Variants in PPM1E observed in about 807,000 individuals in gnomAD.
PPM1E encodes the protein protein phosphatase, Mg2+/Mn2+ dependent 1E.
In PPM1E, 20 loss-of-function variants were observed where a neutral mutation model predicts 65.9. The ratio of observed to expected loss-of-function variants is 0.30; its 90% CI spans 0.21 to 0.44. The LOEUF (loss-of-function observed/expected upper bound fraction) is 0.44. Among genes scored for constraint, PPM1E ranks in the 20% least tolerant of loss-of-function variants. The probability of loss-of-function intolerance (pLI) is 1.00; values close to 1 mark genes in which losing one functional copy is unlikely to be tolerated. For missense variants in PPM1E, 713 were observed against 953.1 expected (o/e 0.75, Z 3.32); for synonymous variants, 352 against 374.9 (o/e 0.94, Z 0.70).
chr17:58,827,916 AT>A (rs986401428), intron 1 of PPM1E, among the ~76,000 whole-genome samples: 41 of 146,034 alleles, frequency 2.8e-4, no homozygotes, highest in Non-Finnish European at 4.1e-4. Flanking sequence ...AAAAAAAATA[AT>A]AATAATAATA....
At chr17:58,867,687 A>G (rs1410044424) in intron 1 of PPM1E, among the ~76,000 whole-genome samples, 3 of 152,338 alleles carry the variant, frequency 2.0e-5, no homozygotes, top group African/African-American at 7.2e-5. Flanking sequence ...AGTATCCTCT[A>G]TGGCAATATA....
chr17:58,947,075 A>AT (rs2052161721), intron 1 of PPM1E, among the ~76,000 whole-genome samples: 1 of 126,654 alleles, frequency 7.9e-6, no homozygotes, highest in South Asian at 2.5e-4. Context: ...CCATTTGACC[A>AT]TTTTGTTAAA....
At chr17:58,935,067 A>G (rs2051960478) in intron 1 of PPM1E, among the ~76,000 whole-genome samples, 1 of 151,964 alleles carries the variant, frequency 6.6e-6, no homozygotes, top group Admixed American at 6.6e-5. Flanking sequence ...CCTGGCCAAC[A>G]CAGTGAAACC....
At chr17:58,971,994 G>C (rs1007300406) in intron 4 of PPM1E, 138 bp from the exon 5 acceptor site, 1 of 802,950 alleles carries the variant, frequency 1.2e-6, no homozygotes, top group Non-Finnish European at 1.9e-6. Context: ...TTGAGACAAT[G>C]AATTATTATA....
intron 1 of PPM1E, among the ~76,000 whole-genome samples, chr17:58,777,694 G>A (rs1408642557): frequency 3.9e-5 from 6 of 152,030 alleles, no homozygotes; most frequent in Non-Finnish European, 8.8e-5. Flanking sequence ...ATAATATCCT[G>A]TTTCTCAAAT....
chr17:58,856,788 T>A (rs2050887354), intron 1 of PPM1E, among the ~76,000 whole-genome samples: 1 of 152,194 alleles, frequency 6.6e-6, no homozygotes, highest in Non-Finnish European at 1.5e-5. Flanking sequence ...GACATCTAGA[T>A]CTGGAATTTC....
intron 1 of PPM1E, among the ~76,000 whole-genome samples, chr17:58,769,283 G>GT (rs1014550018): frequency 1.4e-4 from 21 of 151,630 alleles, no homozygotes; most frequent in Admixed American, 5.9e-4. Context: ...AAGAAATCCT[G>GT]TTTTTTTTGG....
At chr17:58,935,605 CAAGA>C (rs1399562863) in intron 1 of PPM1E, among the ~76,000 whole-genome samples, 2 of 152,130 alleles carry the variant, frequency 1.3e-5, no homozygotes, top group African/African-American at 4.8e-5. Flanking sequence ...GAAAGGATGA[CAAGA>C]AAGATAGTTA....
At chr17:58,890,928 G>A (rs2051336955) in intron 1 of PPM1E, among the ~76,000 whole-genome samples, 1 of 151,992 alleles carries the variant, frequency 6.6e-6, no homozygotes, top group Admixed American at 6.5e-5. Context: ...TGTATTCTTA[G>A]TACTTAACAC....
intron 1 of PPM1E, among the ~76,000 whole-genome samples, chr17:58,872,260 G>C (rs1275856146): frequency 6.6e-6 from 1 of 152,194 alleles, no homozygotes; most frequent in Non-Finnish European, 1.5e-5. Context: ...TTGCACCACT[G>C]CACTCCAGCC....
chr17:58,823,043 C>T (rs1408154409), intron 1 of PPM1E, among the ~76,000 whole-genome samples: 1 of 151,978 alleles, frequency 6.6e-6, no homozygotes, highest in Non-Finnish European at 1.5e-5. Context: ...TGGGGCAAGC[C>T]CTTCTGAGCA....
At chr17:58,815,988 T>A (rs1027011734) in intron 1 of PPM1E, among the ~76,000 whole-genome samples, 1 of 152,138 alleles carries the variant, frequency 6.6e-6, no homozygotes, top group African/African-American at 2.4e-5. Context: ...CAATAAAAAA[T>A]TTTAATCATA....
At chr17:58,826,504 T>TA (rs1555612387) in intron 1 of PPM1E, among the ~76,000 whole-genome samples, 3 of 152,198 alleles carry the variant, frequency 2.0e-5, no homozygotes, top group South Asian at 2.1e-4. Context: ...AGAGGTACAT[T>TA]AACTGTACAT....
chr17:58,798,598 ATTT>A (rs947394280), intron 1 of PPM1E, among the ~76,000 whole-genome samples: 8 of 125,352 alleles, frequency 6.4e-5, no homozygotes, highest in Non-Finnish European at 8.5e-5. Flanking sequence ...ATGAATATCT[ATTT>A]TTTTCTTCTA....
chr17:58,788,727 T>A (rs2050128275), intron 1 of PPM1E, among the ~76,000 whole-genome samples: 1 of 152,202 alleles, frequency 6.6e-6, no homozygotes, highest in Non-Finnish European at 1.5e-5. Context: ...GTGCAGAATT[T>A]AAAGACTAAG....
Position 58,962,435 on chromosome 17 carries a change from T to C in PPM1E, c.584-3259T>C, listed in dbSNP as rs1457361005. Among the ~76,000 whole-genome samples, 3 of 152,360 alleles carry C rather than the reference T, an allele frequency of 2.0e-5. No individual in the cohort carries two copies. The South Asian group carries it at 6.2e-4, about 32-fold the overall frequency. On this transcript the variant is annotated intron_variant, in intron 2 of 6. Coordinates refer to ENST00000308249, the MANE Select transcript of PPM1E (RefSeq NM_014906.5). Reference sequence around the variant, plus strand: ...AACTATCCTGATAGTTAATATGTTATTCGTTTCACCCTACTCCATTCTCCC... The same window carrying C: ...AACTATCCTGATAGTTAATATGTTACTCGTTTCACCCTACTCCATTCTCCC...
chr17:58,856,156 AT>A (rs1043366729), intron 1 of PPM1E, among the ~76,000 whole-genome samples: 2 of 151,936 alleles, frequency 1.3e-5, no homozygotes, highest in Non-Finnish European at 2.9e-5. Flanking sequence ...TAATTGTGAA[AT>A]TTTTTTTGTT....
chr17:58,956,076 C>T (rs930495093), intron 2 of PPM1E, among the ~76,000 whole-genome samples: 3 of 152,026 alleles, frequency 2.0e-5, no homozygotes, highest in Non-Finnish European at 4.4e-5. Context: ...GAAGATATTA[C>T]AAAAAAGATG....
intron 2 of PPM1E, 23 bp downstream of exon 2, chr17:58,955,790 T>A: frequency 1.9e-6 from 3 of 1,562,554 alleles, no homozygotes; most frequent in Non-Finnish European, 2.6e-6. Context: ...CTACATTATT[T>A]GTTTAAAAAT....
Sources: allele counts gnomAD v4.1 joint callset (sites outside exome capture counted in the v4.1 genomes callset), GRCh38; gene constraint gnomAD v4.1.1; transcripts MANE v1.5; gene names NCBI Gene and HGNC (gene_info 2026-07-23, HGNC 2026-07-21).